MTMR4: variants seen among roughly 807,000 people sequenced by gnomAD.
The protein encoded by MTMR4 is myotubularin related protein 4.
MTMR4 carries 30 observed loss-of-function variants against 125.5 expected under a neutral mutation model. The ratio of observed to expected loss-of-function variants is 0.24; its 90% CI spans 0.18 to 0.32. The LOEUF (loss-of-function observed/expected upper bound fraction) is 0.32. Among genes scored for constraint, MTMR4 ranks in the 10% least tolerant of loss-of-function variants. The pLI, the probability that MTMR4 is intolerant of heterozygous loss-of-function variation, is 1.00. For missense variants in MTMR4, 1,039 were observed against 1,511.5 expected (o/e 0.69, Z 5.18); for synonymous variants, 498 against 564.5 (o/e 0.88, Z 1.67).
rs371107932 is a variant in MTMR4, at chr17:58,504,006, A to G, written c.1698+44T>C. On this transcript the variant is annotated intron_variant, in intron 13 of 17. Coordinates refer to ENST00000682306, the MANE Select transcript of MTMR4 (RefSeq NM_001378067.1). This position sits in a 1 kb window ranked among gnomAD's most constrained non-coding sequence, Gnocchi z 7.1. ...CCTACTGACTCAGCTGCTTCTCCCT[A>G]TAGGTTTCTAAATAGCACCTACAGG... 1.0e-5 allele frequency: 16 copies of G among 1,538,598 alleles called. No individual in the cohort carries two copies. Among genetic ancestry groups the G allele is most frequent in the Admixed American group, 2.1e-5 (1 of 48,604 alleles).
At chr17:58,493,153 G>A (rs547018312) in intron 15 of MTMR4, among the ~76,000 whole-genome samples, 1 of 152,222 alleles carries the variant, frequency 6.6e-6, no homozygotes, top group Non-Finnish European at 1.5e-5. Context: ...GTAAAGCTGG[G>A]ATTTGAACCT....
chr17:58,512,864 T>C lies in MTMR4; in HGVS notation c.123A>G (p.Glu41=). 6.2e-7 allele frequency: 1 copy of C among 1,613,180 alleles called. No individual in the cohort carries two copies. The highest frequency in any genetic ancestry group is 8.5e-7 in the Non-Finnish European group (1 of 1,179,494). ...AACTCCTCCTTACCTGAAGATTCTC[T>C]TCCTCCTTCACTAGTTCCTTGGGGG... is the stretch of plus-strand genomic sequence containing the variant. ...LFPPKELVKE[E]ENLQVPFTVL... The change falls in exon 2 of 18, where the codon GAA becomes GAG. Residue 41 remains glutamate (E), a synonymous_variant. Coordinates refer to ENST00000682306, the MANE Select transcript of MTMR4 (RefSeq NM_001378067.1). The surrounding 1 kb of genome is among the most constrained non-coding windows in gnomAD (Gnocchi z 4.1).
chr17:58,490,808 G>A lies in MTMR4; in HGVS notation c.*855C>T, dbSNP rs1975296198. 1.3e-5 allele frequency: 2 copies of A among 152,624 alleles called. No individual in the cohort carries two copies. Among genetic ancestry groups the A allele is most frequent in the Admixed American group, 6.5e-5 (1 of 15,290 alleles). 9.5% of individuals were successfully genotyped at this position (152,624 alleles called of 1,614,324 possible). On this transcript the variant is annotated 3_prime_UTR_variant, in exon 18 of 18. Transcript: ENST00000682306. ...CCTGTGTTAGCACCAGGACAACTAG[G>A]AAAAGTCAGGTGCAAAGAGTAGGGC...
At position 58,507,201 on chromosome 17, in the gene MTMR4, C is replaced by G; in HGVS notation, c.826G>C (p.Asp276His). The G allele has an allele frequency of 6.2e-7, 1 of 1,614,192 alleles. No homozygotes were observed. The highest frequency in any genetic ancestry group is 8.5e-7 in the Non-Finnish European group (1 of 1,180,032). ...CCCCCAGTGGCCCTTGTCCCCGGGTCCAGGGCACAGGCTTTAGCAATGGAC... is the reference window on the plus strand; with the variant it reads ...CCCCCAGTGGCCCTTGTCCCCGGGTGCAGGGCACAGGCTTTAGCAATGGAC... ...VTSIAKACAL[D>H]PGTRATGGSL... The change falls in exon 8 of 18, where the codon GAC (aspartate) becomes CAC (histidine). Residue 276 changes from aspartate to histidine, a missense_variant. Physicochemically the swap from Asp to His is moderately conservative, Grantham distance 81. Around this residue, in one of 6 missense-constraint regions of MTMR4, gnomAD observed 49 missense variants for 68.4 expected, o/e 0.72. Transcript: ENST00000682306.
chr17:58,516,739 A>G (rs961698062), upstream of MTMR4: 11 of 865,268 alleles, frequency 1.3e-5, no homozygotes, highest in Admixed American at 2.3e-4. Flanking sequence ...CCTCACAGAG[A>G]CTCCAGTCTC....
At chr17:58,491,914 T>C in intron 17 of MTMR4, 74 bp from the exon 18 acceptor site, 2 of 1,439,738 alleles carry the variant, frequency 1.4e-6, no homozygotes, top group African/African-American at 1.4e-5. Flanking sequence ...CTCACACCAG[T>C]AATCCCTGCA....
upstream of MTMR4, chr17:58,516,719 T>C (rs2042022429): frequency 9.6e-7 from 1 of 1,042,966 alleles, no homozygotes; most frequent in Non-Finnish European, 1.5e-6. Context: ...CTACAACTCT[T>C]ATTCTTCTCC....
chr17:58,512,504 G>A lies in MTMR4; in HGVS notation c.138C>T (p.Val46=). The A allele has an allele frequency of 1.9e-6, 3 of 1,612,272 alleles. No homozygotes were observed. In the South Asian group the frequency reaches 3.3e-5, roughly 18 times the overall value. The part of the protein sequence containing the change: ...ELVKEEENLQ[V]PFTVLQGEGV... ...CCTCACCCTGCAGCACTGTGAAGGGGACCTGTCAAGGGGCAGAGAAACCTT... is the reference window on the plus strand; with the variant it reads ...CCTCACCCTGCAGCACTGTGAAGGGAACCTGTCAAGGGGCAGAGAAACCTT... The change falls in exon 3 of 18, where the codon GTC becomes GTT. Residue 46 remains valine (V), a splice_region_variant and synonymous_variant. Transcript: ENST00000682306. The surrounding 1 kb of genome is among the most constrained non-coding windows in gnomAD (Gnocchi z 4.1).
intron 4 of MTMR4, 105 bp downstream of exon 4, chr17:58,511,324 A>G (rs554007964): frequency 9.6e-6 from 10 of 1,040,286 alleles, no homozygotes; most frequent in Non-Finnish European, 1.4e-5. Flanking sequence ...CAACTGGGGA[A>G]AGTGAGGCAG....
chr17:58,492,741 C>T (rs1301279418), intron 16 of MTMR4, 101 bp downstream of exon 16: 1 of 1,348,120 alleles, frequency 7.4e-7, no homozygotes, highest in Non-Finnish European at 1.1e-6. Flanking sequence ...GCTGACACTC[C>T]TCTGGGGGAC....
chr17:58,492,712 G>T, intron 16 of MTMR4, 113 bp from the exon 17 acceptor site: 2 of 1,324,428 alleles, frequency 1.5e-6, no homozygotes, highest in Non-Finnish European at 2.2e-6. Flanking sequence ...TTCATAACTG[G>T]CTACCATTTG....
upstream of MTMR4, among the ~76,000 whole-genome samples, chr17:58,518,764 T>C (rs1241284648): frequency 1.3e-5 from 2 of 152,090 alleles, no homozygotes; most frequent in East Asian, 3.9e-4. Context: ...GGGTGGCCGC[T>C]GGAGGTCGCC....
At chr17:58,509,938 A>G (rs1014601033) in intron 4 of MTMR4, among the ~76,000 whole-genome samples, 7 of 152,134 alleles carry the variant, frequency 4.6e-5, no homozygotes, top group Non-Finnish European at 7.4e-5. Flanking sequence ...CAAATCTGTC[A>G]GCAAATCTTC....
Position 58,506,711 on chromosome 17 carries a change from G to A in MTMR4, c.1033+32C>T, listed in dbSNP as rs368937736. ...CTCACCAAAGCCACCCAGAGCACAGGCTGGCTGCAGACACTGGGATAACAG... is the reference window on the plus strand; with the variant it reads ...CTCACCAAAGCCACCCAGAGCACAGACTGGCTGCAGACACTGGGATAACAG... On this transcript the variant is annotated intron_variant, in intron 9 of 17. Coordinates refer to ENST00000682306, the MANE Select transcript of MTMR4 (RefSeq NM_001378067.1). 2.3e-5 allele frequency: 37 copies of A among 1,608,422 alleles called. No individual in the cohort carries two copies. In the East Asian group the frequency reaches 2.7e-4, roughly 12 times the overall value.
intron 14 of MTMR4, 136 bp downstream of exon 14, chr17:58,503,608 C>G: frequency 9.1e-7 from 1 of 1,099,344 alleles, no homozygotes; most frequent in Admixed American, 2.4e-5. Flanking sequence ...AAGATTGCAC[C>G]ACTGGCACTC....
chr17:58,516,154 G>A (rs113283505), upstream of MTMR4, among the ~76,000 whole-genome samples: 6 of 152,320 alleles, frequency 3.9e-5, no homozygotes, highest in African/African-American at 1.2e-4. Flanking sequence ...CAGTTTTGGT[G>A]GAGTCACTCC....
chr17:58,491,576 G>A lies in MTMR4; in HGVS notation c.*87C>T. 8 of 1,334,174 alleles carry A rather than the reference G, an allele frequency of 6.0e-6. No individual in the cohort carries two copies. Among genetic ancestry groups the A allele is most frequent in the Non-Finnish European group, 8.3e-6 (8 of 962,170 alleles). 82.6% of individuals were successfully genotyped at this position (1,334,174 alleles called of 1,614,324 possible). On this transcript the variant is annotated 3_prime_UTR_variant, in exon 18 of 18. Transcript: ENST00000682306. ...GTATCTCTGAGCTCTGTGATTTCAT[G>A]AGCCACACCAAGGAACCTTCCAAAC...
intron 13 of MTMR4, 67 bp downstream of exon 13, chr17:58,503,983 T>C: frequency 6.5e-7 from 1 of 1,547,200 alleles, no homozygotes; most frequent in African/African-American, 1.4e-5. Flanking sequence ...ACATTTTCCC[T>C]ACTGACTCAG....
chr17:58,503,972 T>C (rs1975709349), intron 13 of MTMR4, 74 bp from the exon 14 acceptor site: 1 of 1,553,424 alleles, frequency 6.4e-7, no homozygotes, highest in South Asian at 1.2e-5. Context: ...CCCTTGACTC[T>C]ACATTTTCCC....
Sources: gnomAD v4.1 joint callset for allele counts (sites outside exome capture counted in the v4.1 genomes callset) on GRCh38, gnomAD v4.1.1 for gene constraint, gnomAD v4.1.1 regional missense constraint, Gnocchi (gnomAD v3.1) non-coding constraint, MANE v1.5 for transcripts, NCBI Gene and HGNC (gene_info 2026-07-23, HGNC 2026-07-21) for gene names.